ZC3H14: variants seen among roughly 807,000 people sequenced by gnomAD.
ZC3H14 encodes the protein zinc finger CCCH-type containing 14.
Under a neutral mutation model 92.4 loss-of-function variants are expected in ZC3H14, and 31 were observed. That is an observed-to-expected ratio of 0.34 (90% CI 0.25 to 0.45). ZC3H14 has a LOEUF of 0.45. Among genes scored for constraint, ZC3H14 ranks in the 20% least tolerant of loss-of-function variants. The probability of loss-of-function intolerance (pLI) is 1.00; values close to 1 mark genes in which losing one functional copy is unlikely to be tolerated. For missense variants in ZC3H14, 781 were observed against 897.3 expected (o/e 0.87, Z 1.66); for synonymous variants, 321 against 300.9 (o/e 1.07, Z -0.69).
intron 1 of ZC3H14, 135 bp downstream of exon 1, chr14:88,563,304 C>A (rs954329942): frequency 1.3e-6 from 2 of 1,526,336 alleles, no homozygotes; most frequent in African/African-American, 2.8e-5. Flanking sequence ...GCTGCGGCTC[C>A]TCCTCGTCCA....
intron 2 of ZC3H14, among the ~76,000 whole-genome samples, chr14:88,567,322 A>G (rs933218353): frequency 5.3e-5 from 8 of 151,332 alleles, no homozygotes; most frequent in Non-Finnish European, 1.0e-4. Flanking sequence ...TCACTGTGTT[A>G]GCCAGGATGG....
chr14:88,569,020 C>A (rs1490353825), intron 3 of ZC3H14, among the ~76,000 whole-genome samples: 1 of 151,980 alleles, frequency 6.6e-6, no homozygotes, highest in Non-Finnish European at 1.5e-5. Flanking sequence ...TCCTGAACTC[C>A]CATGCCTGAC....
intron 9 of ZC3H14, among the ~76,000 whole-genome samples, chr14:88,580,825 G>C (rs1337888948): frequency 6.6e-6 from 1 of 152,110 alleles, no homozygotes; most frequent in South Asian, 2.1e-4. Flanking sequence ...TGGACATTCA[G>C]GCAAAAGGGG....
chr14:88,588,312 T>C (rs1340584320), intron 9 of ZC3H14, among the ~76,000 whole-genome samples: 2 of 152,144 alleles, frequency 1.3e-5, no homozygotes, highest in African/African-American at 4.8e-5. Flanking sequence ...CATTTCTCCG[T>C]TTTGTAATCA....
chr14:88,566,615 T>C (rs949517622), intron 2 of ZC3H14, among the ~76,000 whole-genome samples: 9 of 152,200 alleles, frequency 5.9e-5, no homozygotes, highest in Non-Finnish European at 1.0e-4. Flanking sequence ...ATATTACAAG[T>C]ATTTAAGGTA....
In ZC3H14 at chr14:88,617,686, A is replaced by C. The variant is rs1407317869; in HGVS notation, c.*5935A>C. On this transcript the variant is annotated 3_prime_UTR_variant, in exon 17 of 17. Transcript: ENST00000251038. Reference sequence around the variant, plus strand: ...TTGCTATGTTGCCCAGGCTGGTATCAAAACTTCTAGGCTCAAGTGATCCTC... The same window carrying C: ...TTGCTATGTTGCCCAGGCTGGTATCCAAACTTCTAGGCTCAAGTGATCCTC... 1 of 152,374 alleles carries C rather than the reference A, an allele frequency of 6.6e-6. No individual in the cohort carries two copies. The highest frequency in any genetic ancestry group is 2.4e-5 in the African/African-American group (1 of 41,460). The allele number at this position is 152,374 out of a possible 1,614,324, so 9.4% of individuals were successfully genotyped here.
chr14:88,594,954 G>A (rs78648645), intron 9 of ZC3H14: 37,108 of 1,613,868 alleles, frequency 0.023, 467 homozygotes, highest in Non-Finnish European at 0.026. Flanking sequence ...GAGTGTCCAA[G>A]AATGAAGCAA....
intron 4 of ZC3H14, among the ~76,000 whole-genome samples, chr14:88,571,821 A>T (rs1034490393): frequency 6.6e-6 from 1 of 152,026 alleles, no homozygotes; most frequent in Non-Finnish European, 1.5e-5. Flanking sequence ...AAAATTAGCC[A>T]GGCATCGTGG....
intron 16 of ZC3H14, 109 bp from the exon 17 acceptor site, chr14:88,611,636 A>G: frequency 7.6e-7 from 1 of 1,314,598 alleles, no homozygotes; most frequent in Non-Finnish European, 1.1e-6. Flanking sequence ...TTGTAATCTT[A>G]TGACCAAATA....
At chr14:88,594,031 T>C (rs1290852003) in intron 9 of ZC3H14, among the ~76,000 whole-genome samples, 1 of 152,192 alleles carries the variant, frequency 6.6e-6, no homozygotes. Flanking sequence ...GAAGTTGAAT[T>C]CTGTCATTAC....
Position 88,618,637 on chromosome 14 carries a change from A to G in ZC3H14, c.*6886A>G, listed in dbSNP as rs753580883. The stretch of plus-strand genomic sequence containing the variant: ...AGAACTTGCCACCTGGGTATACAGT[A>G]TTGGTACTGTACCTGGAGATAACTG... On this transcript the variant is annotated 3_prime_UTR_variant, in exon 17 of 17. Coordinates refer to ENST00000251038, the MANE Select transcript of ZC3H14 (RefSeq NM_024824.5). 5.0e-6 allele frequency: 8 copies of G among 1,610,752 alleles called. No individual in the cohort carries two copies. The Admixed American group carries it at 6.7e-5, about 14-fold the overall frequency.
rs376073448 is a variant in ZC3H14 at position 88,618,239 on chromosome 14, A to G, written c.*6488A>G. The stretch of plus-strand genomic sequence containing the variant: ...ATATAAGTATTTACCTAGTCCATGT[A>G]GCCCAAGTAATTCTGTCAATAGCGG... On this transcript the variant is annotated 3_prime_UTR_variant, in exon 17 of 17. Transcript: ENST00000251038. 16 of 1,613,696 alleles carry G rather than the reference A, an allele frequency of 9.9e-6. No homozygotes were observed. Among genetic ancestry groups the G allele is most frequent in the Non-Finnish European group, 1.2e-5 (14 of 1,179,770 alleles).
chr14:88,570,560 T>C (rs911690304), intron 3 of ZC3H14, among the ~76,000 whole-genome samples: 2 of 152,188 alleles, frequency 1.3e-5, no homozygotes, highest in African/African-American at 4.8e-5. Context: ...GTGGTAATAA[T>C]AAGCAATATT....
intron 9 of ZC3H14, chr14:88,594,562 A>G: frequency 6.8e-7 from 1 of 1,467,652 alleles, no homozygotes. Context: ...CATCTTTTGA[A>G]TTACAGGTTT....
intron 9 of ZC3H14, among the ~76,000 whole-genome samples, chr14:88,584,701 G>T (rs1183317839): frequency 1.3e-5 from 2 of 152,162 alleles, no homozygotes; most frequent in Non-Finnish European, 1.5e-5. Context: ...ATTGTGAATT[G>T]CAGTGAAAGG....
In ZC3H14 at chr14:88,621,946, T is replaced by G; in HGVS notation, c.*10195T>G. On this transcript the variant is annotated 3_prime_UTR_variant, in exon 17 of 17. Transcript: ENST00000251038. ...ACGTGATTCTTAACTATAGTCATCC[T>G]ACAGTACTACAGAATACTAAAACAT... 1 of 452,368 alleles carries G rather than the reference T, an allele frequency of 2.2e-6. No homozygotes were observed. Among genetic ancestry groups the G allele is most frequent in the Non-Finnish European group, 4.4e-6 (1 of 225,132 alleles). 28.0% of individuals were successfully genotyped at this position (452,368 alleles called of 1,614,324 possible).
chr14:88,587,607 C>T (rs949415615), intron 9 of ZC3H14, among the ~76,000 whole-genome samples: 16 of 152,026 alleles, frequency 1.1e-4, no homozygotes, highest in African/African-American at 3.4e-4. Flanking sequence ...AAGACTTAGT[C>T]GATTGACTCT....
At chr14:88,567,303 G>A (rs2079809138) in intron 2 of ZC3H14, among the ~76,000 whole-genome samples, 1 of 151,430 alleles carries the variant, frequency 6.6e-6, no homozygotes, top group Admixed American at 6.6e-5. Flanking sequence ...TTTTAGTAGA[G>A]ACAGGGTTTC....
At chr14:88,586,154 C>T (rs1045556113) in intron 9 of ZC3H14, among the ~76,000 whole-genome samples, 7 of 152,070 alleles carry the variant, frequency 4.6e-5, no homozygotes, top group East Asian at 1.9e-4. Flanking sequence ...AGCGACAAAG[C>T]GACACTCCTT....
Sources: allele counts gnomAD v4.1 joint callset (sites outside exome capture counted in the v4.1 genomes callset), GRCh38; gene constraint gnomAD v4.1.1; transcripts MANE v1.5; gene names NCBI Gene and HGNC (gene_info 2026-07-23, HGNC 2026-07-21).